TMPRSS11F: variants seen among roughly 807,000 people sequenced by gnomAD.
TMPRSS11F encodes transmembrane serine protease 11F.
In TMPRSS11F, 47 loss-of-function variants were observed where a neutral mutation model predicts 60.2. The observed-to-expected ratio is 0.78, with a 90% CI of 0.62 to 1.00. TMPRSS11F has a LOEUF of 1.00. TMPRSS11F is among the 50% of genes least tolerant of loss of function. The pLI is 0.00. For missense variants in TMPRSS11F, 519 were observed against 522.9 expected (o/e 0.99, Z 0.07); for synonymous variants, 166 against 167.3 (o/e 0.99, Z 0.06).
chr4:68,097,303 G>C (rs1309471081), intron 2 of TMPRSS11F, among the ~76,000 whole-genome samples: 1 of 152,154 alleles, frequency 6.6e-6, no homozygotes, highest in East Asian at 1.9e-4. Context: ...CAAAAAGTTG[G>C]CAGAGCTGGT....
chr4:68,093,386 C>G (rs1405529160), intron 2 of TMPRSS11F, among the ~76,000 whole-genome samples: 2 of 152,058 alleles, frequency 1.3e-5, no homozygotes, highest in Non-Finnish European at 2.9e-5. Flanking sequence ...ACACCTTATA[C>G]AAAAATCAAT....
intron 3 of TMPRSS11F, among the ~76,000 whole-genome samples, chr4:68,084,501 A>G (rs1226116867): frequency 2.0e-5 from 3 of 152,192 alleles, no homozygotes; most frequent in Non-Finnish European, 1.5e-5. Flanking sequence ...GGCTGGGGAC[A>G]TATTTTCAGC....
At chr4:68,081,076 T>C (rs188063576) in intron 3 of TMPRSS11F, 67 of 152,344 alleles carry the variant, frequency 4.4e-4, no homozygotes, top group African/African-American at 1.4e-3. Flanking sequence ...TTTTAAGATG[T>C]CCTTTTAAAA....
intron 1 of TMPRSS11F, among the ~76,000 whole-genome samples, chr4:68,121,509 ACAC>A (rs1260411445): frequency 6.6e-6 from 1 of 152,154 alleles, no homozygotes; most frequent in Non-Finnish European, 1.5e-5. Flanking sequence ...TTTATAATAA[ACAC>A]CAGTTCTATT....
chr4:68,116,779 T>C (rs1724529227), intron 1 of TMPRSS11F, among the ~76,000 whole-genome samples: 1 of 152,130 alleles, frequency 6.6e-6, no homozygotes, highest in Non-Finnish European at 1.5e-5. Context: ...TTAGGGAAAC[T>C]AAACATCCAC....
At chr4:68,097,943 A>C (rs529872047) in intron 2 of TMPRSS11F, among the ~76,000 whole-genome samples, 2 of 152,128 alleles carry the variant, frequency 1.3e-5, no homozygotes, top group Non-Finnish European at 2.9e-5. Context: ...CGGATCTTTC[A>C]AATGTGGTTT....
intron 1 of TMPRSS11F, among the ~76,000 whole-genome samples, chr4:68,104,528 C>T (rs1273687885): frequency 1.3e-5 from 2 of 152,056 alleles, no homozygotes; most frequent in Non-Finnish European, 1.5e-5. Context: ...CCTGCCATTG[C>T]CATGCGAAGG....
At chr4:68,128,103 C>T (rs1168643676) in intron 1 of TMPRSS11F, among the ~76,000 whole-genome samples, 2 of 152,094 alleles carry the variant, frequency 1.3e-5, no homozygotes, top group East Asian at 1.9e-4. Context: ...AAAGACAGGG[C>T]TTTTGCTAAG....
At chr4:68,127,736 C>G (rs1052449338) in intron 1 of TMPRSS11F, among the ~76,000 whole-genome samples, 4 of 151,992 alleles carry the variant, frequency 2.6e-5, no homozygotes, top group African/African-American at 9.7e-5. Flanking sequence ...ATATATGAAT[C>G]TGAATCTGAA....
chr4:68,116,923 T>C (rs1427380463), intron 1 of TMPRSS11F, among the ~76,000 whole-genome samples: 1 of 152,170 alleles, frequency 6.6e-6, no homozygotes, highest in Non-Finnish European at 1.5e-5. Flanking sequence ...TTCTAGATAT[T>C]AGACTTGGCA....
chr4:68,061,229 G>T (rs1157198064), intron 8 of TMPRSS11F, among the ~76,000 whole-genome samples: 1 of 152,076 alleles, frequency 6.6e-6, no homozygotes, highest in East Asian at 1.9e-4. Flanking sequence ...TACATACTTC[G>T]GAGGAAATAA....
chr4:68,085,018 A>C (rs971634536), intron 3 of TMPRSS11F, among the ~76,000 whole-genome samples: 1 of 130,644 alleles, frequency 7.7e-6, no homozygotes, highest in African/African-American at 2.9e-5. Flanking sequence ...GTTTACTGAG[A>C]ATGATGATTT....
chr4:68,127,854 A>G (rs1435206107), intron 1 of TMPRSS11F, among the ~76,000 whole-genome samples: 12 of 152,144 alleles, frequency 7.9e-5, no homozygotes, highest in Non-Finnish European at 4.4e-5. Flanking sequence ...CAACAAATGA[A>G]CAATACCAAA....
At chr4:68,101,620 T>A (rs1345238768) in intron 1 of TMPRSS11F, among the ~76,000 whole-genome samples, 1 of 152,192 alleles carries the variant, frequency 6.6e-6, no homozygotes, top group Admixed American at 6.6e-5. Flanking sequence ...TTTCTCCTGA[T>A]TTGTACATGA....
At chr4:68,091,615 C>T (rs1316097790) in intron 2 of TMPRSS11F, among the ~76,000 whole-genome samples, 4 of 152,054 alleles carry the variant, frequency 2.6e-5, no homozygotes, top group Non-Finnish European at 5.9e-5. Flanking sequence ...TGCTCCACTT[C>T]CTATATTTTC....
chr4:68,120,374 A>ATGTT (rs1560412778), intron 1 of TMPRSS11F, among the ~76,000 whole-genome samples: 4 of 122,132 alleles, frequency 3.3e-5, no homozygotes, highest in African/African-American at 1.3e-4. Context: ...CTACAGAGAA[A>ATGTT]TCTTTTTTTT....
intron 8 of TMPRSS11F, chr4:68,062,602 T>C: frequency 1.2e-6 from 1 of 860,728 alleles, no homozygotes; most frequent in Non-Finnish European, 2.0e-6. Context: ...ACTCTTTCAT[T>C]TCAGTCCAGT....
intron 1 of TMPRSS11F, among the ~76,000 whole-genome samples, chr4:68,103,324 T>C (rs1724230843): frequency 6.6e-6 from 1 of 151,978 alleles, no homozygotes; most frequent in African/African-American, 2.4e-5. Context: ...CACATGCCCG[T>C]AGTCCCAGAT....
At chr4:68,078,517 T>C (rs1344309401) in intron 3 of TMPRSS11F, among the ~76,000 whole-genome samples, 1 of 152,232 alleles carries the variant, frequency 6.6e-6, no homozygotes, top group Non-Finnish European at 1.5e-5. Flanking sequence ...GAGTGTGATT[T>C]ATGTTTATAT....
Sources: allele counts gnomAD v4.1 joint callset (sites outside exome capture counted in the v4.1 genomes callset), GRCh38; gene constraint gnomAD v4.1.1; transcripts MANE v1.5; gene names NCBI Gene and HGNC (gene_info 2026-07-23, HGNC 2026-07-21).